Variants in KANSL1 observed in about 807,000 individuals in gnomAD.
The protein encoded by KANSL1 is MLL1/MLL complex subunit KANSL1.
Under a neutral mutation model 103.6 loss-of-function variants are expected in KANSL1, and 22 were observed. The observed-to-expected ratio is 0.21, with a 90% CI of 0.15 to 0.30. The LOEUF (loss-of-function observed/expected upper bound fraction) is 0.30. KANSL1 is among the 10% of genes least tolerant of loss of function. KANSL1 has a pLI of 1.00. For synonymous variants in KANSL1, 600 were observed against 527.6 expected, an observed-to-expected ratio of 1.14 and a Z score of -1.88; for missense variants, 1,337 against 1,399.8, an observed-to-expected ratio of 0.96 and a Z score of 0.72.
chr17:46,172,265 T>G, intron 1 of KANSL1, 33 bp from the exon 2 acceptor site: 4 of 946,818 alleles, frequency 4.2e-6, no homozygotes, highest in Non-Finnish European at 6.1e-6. Context: ...ATATTAGAAA[T>G]ACAAGCACTT....
intron 2 of KANSL1, among the ~76,000 whole-genome samples, chr17:46,134,233 A>C (rs2044009814): frequency 6.6e-6 from 1 of 151,868 alleles, no homozygotes; most frequent in Admixed American, 6.6e-5. Context: ...CCTTGTCTCT[A>C]CTAAAAATAC....
chr17:46,190,099 T>C (rs1402658613), intron 1 of KANSL1, among the ~76,000 whole-genome samples: 1 of 152,146 alleles, frequency 6.6e-6, no homozygotes, highest in African/African-American at 2.4e-5. Flanking sequence ...CACTTTAAAA[T>C]GCAATTAAAA....
rs1270052055 is a variant in KANSL1, at chr17:46,184,873, A to G, written c.-90+7950T>C. On this transcript the variant is annotated intron_variant, in intron 1 of 14. Coordinates refer to ENST00000432791, the MANE Select transcript of KANSL1 (RefSeq NM_015443.4). ...TTTTTTTTTTGAAACAGAGCCTCTC[A>G]TTGTCACCCGGGCTGGAGTGCAGCG... Among the ~76,000 whole-genome samples, 20 of 132,840 alleles carry G rather than the reference A, an allele frequency of 1.5e-4. 1 individual carries two copies. The Admixed American group carries it at 1.7e-3, about 11-fold the overall frequency. 87.1% of individuals were successfully genotyped at this position (132,840 alleles called of 152,430 possible).
At chr17:46,135,238 A>G (rs2044068338) in intron 2 of KANSL1, among the ~76,000 whole-genome samples, 1 of 149,560 alleles carries the variant, frequency 6.7e-6, no homozygotes. Flanking sequence ...AATTGGCTTC[A>G]AAATAGTCCA....
upstream of KANSL1, chr17:46,224,976 C>G (rs888843487): frequency 6.6e-6 from 1 of 151,498 alleles, no homozygotes; most frequent in Non-Finnish European, 1.5e-5. Context: ...TCCGTCCCAC[C>G]TCGGCTCGGC....
chr17:46,070,274 G>A (rs754398778), intron 4 of KANSL1, among the ~76,000 whole-genome samples: 1 of 151,802 alleles, frequency 6.6e-6, no homozygotes, highest in Non-Finnish European at 1.5e-5. Flanking sequence ...GAATCATAAA[G>A]GATATTTCTT....
At chr17:46,191,497 T>G (rs1376936306) in intron 1 of KANSL1, among the ~76,000 whole-genome samples, 3 of 152,214 alleles carry the variant, frequency 2.0e-5, no homozygotes, top group Non-Finnish European at 4.4e-5. Context: ...AAACAGAAAT[T>G]ACAGACCATC....
In KANSL1 at chr17:46,131,104, C is replaced by T. The variant is rs1156339916; in HGVS notation, c.1290-36403G>A. On this transcript the variant is annotated intron_variant, in intron 2 of 14. Transcript: ENST00000432791. ...TATAGATACTCAAACTGCCACCCGT[C>T]TTATTTTTAAATATCAGAGAAGTGA... 2.0e-5 allele frequency among the ~76,000 whole-genome samples: 3 copies of T among 152,094 alleles called. No individual in the cohort carries two copies. In the East Asian group the frequency reaches 5.8e-4, roughly 29 times the overall value.
intron 4 of KANSL1, among the ~76,000 whole-genome samples, chr17:46,075,664 G>T (rs2078739972): frequency 1.3e-5 from 2 of 152,154 alleles, no homozygotes; most frequent in Non-Finnish European, 2.9e-5. Flanking sequence ...AAGAAAAAAT[G>T]TATCTAGCAT....
chr17:46,089,806 T>C (rs1420039665), intron 3 of KANSL1, among the ~76,000 whole-genome samples: 2 of 152,266 alleles, frequency 1.3e-5, no homozygotes, highest in East Asian at 3.8e-4. Flanking sequence ...ATTGTTTATC[T>C]TGAAAATCGT....
At chr17:46,033,013 A>C in intron 13 of KANSL1, 67 bp downstream of exon 13, 1 of 1,268,072 alleles carries the variant, frequency 7.9e-7, no homozygotes, top group South Asian at 1.4e-5. Flanking sequence ...CATGGACTCA[A>C]GTAGGGCCCA....
chr17:46,152,639 G>C (rs936876645), intron 2 of KANSL1, among the ~76,000 whole-genome samples: 8 of 151,910 alleles, frequency 5.3e-5, no homozygotes, highest in Non-Finnish European at 8.8e-5. Flanking sequence ...TTTGAAAAGA[G>C]CAGGTGTCAG....
rs1238041255 is a variant in KANSL1 at position 46,144,748 on chromosome 17, T to TAGTAG, written c.1289+26106_1289+26107insCTACT. On this transcript the variant is annotated intron_variant, in intron 2 of 14. Coordinates refer to ENST00000432791, the MANE Select transcript of KANSL1 (RefSeq NM_015443.4). ...AATAGGCTAGTAGTGATGATTTTGC[T>TAGTAG]TTTTCAGTCCCCTCCTCACAAACAA... Among the ~76,000 whole-genome samples, 1,131 of 152,286 alleles carry TAGTAG rather than the reference T, an allele frequency of 7.4e-3. 22 individuals carry two copies. Among genetic ancestry groups the TAGTAG allele is most frequent in the African/African-American group, 0.026 (1,068 of 41,534 alleles).
chr17:46,185,220 C>T (rs1171495140), intron 1 of KANSL1, among the ~76,000 whole-genome samples: 2 of 152,198 alleles, frequency 1.3e-5, no homozygotes, highest in Non-Finnish European at 2.9e-5. Flanking sequence ...GACCAACACA[C>T]GTTAAGCAAC....
At chr17:46,086,617 T>C (rs2079173710) in intron 3 of KANSL1, among the ~76,000 whole-genome samples, 2 of 152,174 alleles carry the variant, frequency 1.3e-5, no homozygotes, top group Non-Finnish European at 2.9e-5. Context: ...AGGTATTAAA[T>C]GCTAGAGAGA....
rs1026563610 is a variant in KANSL1, at chr17:46,031,186, A to G, written c.*290T>C. On this transcript the variant is annotated 3_prime_UTR_variant, in exon 15 of 15. Transcript: ENST00000432791. ...GTGGTCATCTAAGATCAGTAAGTCCAGTGATTCAACAGTGCAGAGGATGTG... is the reference window on the plus strand; with the variant it reads ...GTGGTCATCTAAGATCAGTAAGTCCGGTGATTCAACAGTGCAGAGGATGTG... 4.0e-6 allele frequency: 2 copies of G among 495,994 alleles called. No individual in the cohort carries two copies. The highest frequency in any genetic ancestry group is 6.7e-5 in the Admixed American group (2 of 29,834). 30.7% of individuals were successfully genotyped at this position (495,994 alleles called of 1,614,324 possible).
chr17:46,224,802 A>T (rs1413033203), upstream of KANSL1: 1 of 147,906 alleles, frequency 6.8e-6, no homozygotes, highest in Non-Finnish European at 1.5e-5. Flanking sequence ...TCCCAAACCC[A>T]CCCCTCACCT....
chr17:46,168,215 G>C (rs991006813), intron 2 of KANSL1, among the ~76,000 whole-genome samples: 5 of 152,218 alleles, frequency 3.3e-5, no homozygotes, highest in African/African-American at 1.2e-4. Context: ...GTCAACTGCT[G>C]AAAACCTTTA....
chr17:46,101,273 C>G (rs989993413), intron 2 of KANSL1, among the ~76,000 whole-genome samples: 16 of 152,152 alleles, frequency 1.1e-4, no homozygotes, highest in African/African-American at 3.9e-4. Context: ...CACTACCTAG[C>G]TCAAAAGCAG....
Sources: gnomAD v4.1 joint callset for allele counts (sites outside exome capture counted in the v4.1 genomes callset) on GRCh38, gnomAD v4.1.1 for gene constraint, MANE v1.5 for transcripts, NCBI Gene and HGNC (gene_info 2026-07-23, HGNC 2026-07-21) for gene names.